Variants in YIPF7 observed in about 807,000 individuals in gnomAD.
The protein encoded by YIPF7 is Yip1 domain family member 7, also known as protein YIPF7.
In YIPF7, 35 loss-of-function variants were observed where a neutral mutation model predicts 27.2. The ratio of observed to expected loss-of-function variants is 1.29; its 90% CI spans 0.98 to 1.70. The LOEUF (loss-of-function observed/expected upper bound fraction) is 1.70, where lower values mean the gene tolerates loss of function less well. Among genes scored for constraint, YIPF7 ranks in the 40% most tolerant of loss-of-function variants. The pLI is 0.00. For synonymous variants in YIPF7, 137 were observed against 110.4 expected (o/e 1.24, Z -1.51); for missense variants, 358 against 303.7 (o/e 1.18, Z -1.33).
At chr4:44,650,162 T>C in intron 1 of YIPF7, 61 bp from the exon 2 acceptor site, 1 of 1,007,492 alleles carries the variant, frequency 9.9e-7, no homozygotes, top group Non-Finnish European at 1.5e-6. Flanking sequence ...GTTTGAGATA[T>C]TTACAAACAT....
At chr4:44,630,673 A>T (rs527259807) in intron 3 of YIPF7, among the ~76,000 whole-genome samples, 1 of 152,158 alleles carries the variant, frequency 6.6e-6, no homozygotes, top group South Asian at 2.1e-4. Flanking sequence ...TTTTTTCTCC[A>T]ATTCCCATTT....
chr4:44,640,104 G>A (rs972685164), intron 2 of YIPF7, among the ~76,000 whole-genome samples: 5 of 152,090 alleles, frequency 3.3e-5, no homozygotes, highest in Admixed American at 6.5e-5. Flanking sequence ...GTATTTTGTT[G>A]AGGATATTTG....
At position 44,622,586 on chromosome 4, in the gene YIPF7, A is replaced by T. The variant is rs761126595; in HGVS notation, c.609-10T>A. The T allele has an allele frequency of 7.4e-6, 12 of 1,611,724 alleles. No homozygotes were observed. In the South Asian group the frequency reaches 1.3e-4, roughly 18 times the overall value. On this transcript the variant is annotated splice_polypyrimidine_tract_variant and intron_variant, in intron 5 of 5. Coordinates refer to ENST00000415895, the MANE Select transcript of YIPF7 (RefSeq NM_182592.3). ...GATTCCAAAGATGCCCCTGCAGCAA[A>T]GACAAAGAAATGATTGCCTGTGCCA...
At chr4:44,625,605 T>C (rs1378173401) in intron 4 of YIPF7, among the ~76,000 whole-genome samples, 1 of 152,180 alleles carries the variant, frequency 6.6e-6, no homozygotes, top group Non-Finnish European at 1.5e-5. Context: ...AAAGGTGTAC[T>C]GTCAAAGGAA....
At position 44,636,056 on chromosome 4, in the gene YIPF7, G is replaced by A; in HGVS notation, c.146C>T (p.Ala49Val). The change falls in exon 3 of 6, where the codon GCC (alanine) becomes GTC (valine). Residue 49 changes from alanine (A) to valine (V), a missense_variant. Transcript: ENST00000415895. Reference sequence around the variant, plus strand: ...GAGCATCTCTGATGGAACAAAGGAGGCAGGCTGAGGCTGCTCACCAGCTTG... The same window carrying A: ...GAGCATCTCTGATGGAACAAAGGAGACAGGCTGAGGCTGCTCACCAGCTTG... ...KQQAGEQPQPASFVPSEMLMS... is the reference protein window; with the variant it reads ...KQQAGEQPQPVSFVPSEMLMS... The A allele has an allele frequency of 6.2e-7, 1 of 1,612,346 alleles. No homozygotes were observed. Among genetic ancestry groups the A allele is most frequent in the Non-Finnish European group, 8.5e-7 (1 of 1,178,918 alleles).
chr4:44,645,318 G>A (rs1160680154), intron 2 of YIPF7, among the ~76,000 whole-genome samples: 4 of 152,066 alleles, frequency 2.6e-5, no homozygotes, highest in African/African-American at 9.7e-5. Flanking sequence ...GAATGGCTAT[G>A]CCAATGAGTT....
At chr4:44,626,469 C>T (rs1025960519) in intron 4 of YIPF7, among the ~76,000 whole-genome samples, 3 of 152,142 alleles carry the variant, frequency 2.0e-5, no homozygotes, top group African/African-American at 4.8e-5. Flanking sequence ...ACTGGACCTT[C>T]CTGTCCTGAA....
At chr4:44,645,319 C>T (rs1428375369) in intron 2 of YIPF7, among the ~76,000 whole-genome samples, 2 of 152,108 alleles carry the variant, frequency 1.3e-5, no homozygotes. Flanking sequence ...AATGGCTATG[C>T]CAATGAGTTT....
At chr4:44,629,960 T>C (rs1472536082) in intron 3 of YIPF7, among the ~76,000 whole-genome samples, 1 of 152,218 alleles carries the variant, frequency 6.6e-6, no homozygotes, top group Non-Finnish European at 1.5e-5. Context: ...TATTTCCTTT[T>C]CCTGCATTTT....
intron 2 of YIPF7, among the ~76,000 whole-genome samples, chr4:44,643,459 G>A (rs1713409878): frequency 1.3e-5 from 2 of 152,150 alleles, no homozygotes; most frequent in Admixed American, 1.3e-4. Context: ...AGGAAGATTT[G>A]CAGAATGGCC....
chr4:44,624,473 T>A, intron 5 of YIPF7, 128 bp downstream of exon 5: 1 of 1,115,482 alleles, frequency 9.0e-7, no homozygotes, highest in Non-Finnish European at 1.2e-6. Context: ...TATGAGTAGC[T>A]TTTAATAGCC....
intron 1 of YIPF7, among the ~76,000 whole-genome samples, chr4:44,650,375 A>G (rs1713686602): frequency 6.6e-6 from 1 of 152,222 alleles, no homozygotes; most frequent in East Asian, 1.9e-4. Context: ...ATCTGAAAGA[A>G]CTAATCTTCT....
chr4:44,635,593 G>C (rs148550651), intron 3 of YIPF7, among the ~76,000 whole-genome samples: 1 of 152,280 alleles, frequency 6.6e-6, no homozygotes, highest in South Asian at 2.1e-4. Flanking sequence ...GGTGGGAAGG[G>C]TGGTCACTTT....
intron 2 of YIPF7, among the ~76,000 whole-genome samples, chr4:44,657,750 C>T (rs979346446): frequency 2.0e-5 from 3 of 152,224 alleles, no homozygotes; most frequent in Middle Eastern, 3.4e-3. Flanking sequence ...GCAGCCATCC[C>T]CCTACTGTAA....
intron 2 of YIPF7, among the ~76,000 whole-genome samples, chr4:44,656,656 CTT>C (rs1713909023): frequency 1.3e-5 from 2 of 151,992 alleles, no homozygotes; most frequent in Non-Finnish European, 2.9e-5. Context: ...CAAATTTACT[CTT>C]GTGTTCATTA....
intron 2 of YIPF7, among the ~76,000 whole-genome samples, chr4:44,638,329 C>A (rs575309858): frequency 6.6e-6 from 1 of 151,714 alleles, no homozygotes; most frequent in African/African-American, 2.4e-5. Context: ...TGCACTCAGG[C>A]CCGCCAGTCA....
At chr4:44,629,212 A>C in intron 4 of YIPF7, 191 bp downstream of exon 4, 1 of 566,580 alleles carries the variant, frequency 1.8e-6, no homozygotes, top group East Asian at 3.6e-5. Context: ...ATTCTATTTA[A>C]ATTTATACTT....
intron 3 of YIPF7, among the ~76,000 whole-genome samples, chr4:44,631,122 T>C (rs749050397): frequency 1.4e-4 from 21 of 152,196 alleles, no homozygotes; most frequent in Admixed American, 2.6e-4. Context: ...GACAGATTAA[T>C]TTGTCTGAAG....
At chr4:44,634,108 A>G (rs1713020694) in intron 3 of YIPF7, among the ~76,000 whole-genome samples, 2 of 152,226 alleles carry the variant, frequency 1.3e-5, no homozygotes. Context: ...TCAACAAAGC[A>G]TTACTTGCTA....
Sources: gnomAD v4.1 joint callset for allele counts (sites outside exome capture counted in the v4.1 genomes callset) on GRCh38, gnomAD v4.1.1 for gene constraint, MANE v1.5 for transcripts, NCBI Gene and HGNC (gene_info 2026-07-23, HGNC 2026-07-21) for gene names.